RBM19: variants seen among roughly 807,000 people sequenced by gnomAD.
RBM19 encodes probable RNA-binding protein 19.
Under a neutral mutation model 116.8 loss-of-function variants are expected in RBM19, and 94 were observed. That is an observed-to-expected ratio of 0.80 (90% CI 0.68 to 0.95). The LOEUF is 0.95. Ranked by LOEUF, RBM19 falls within the 40% of genes least tolerant of loss-of-function variation. The probability of loss-of-function intolerance (pLI) is 0.00; values close to 1 mark genes in which losing one functional copy is unlikely to be tolerated. For synonymous variants in RBM19, 475 were observed against 494.1 expected (o/e 0.96, Z 0.51); for missense variants, 1,161 against 1,220.7 (o/e 0.95, Z 0.73).
chr12:113,929,931 G>C (rs1199688569), intron 16 of RBM19, among the ~76,000 whole-genome samples: 1 of 152,246 alleles, frequency 6.6e-6, no homozygotes, highest in Admixed American at 6.5e-5. Context: ...GCATAGTGGG[G>C]ATGATGGTGA....
rs905082799 is a variant in RBM19 at position 113,940,919 on chromosome 12, GAA to G, written c.1738-761_1738-760del. ...CATTTATTTCACAGGATCGCTCCAG[GAA>G]AAGTTTTCATTAAATGGGTTAGTAA... is the stretch of plus-strand genomic sequence containing the variant. On this transcript the variant is annotated intron_variant, in intron 14 of 23. Coordinates refer to ENST00000261741, the MANE Select transcript of RBM19 (RefSeq NM_016196.4). Among the ~76,000 whole-genome samples the G allele has an allele frequency of 6.6e-5, 10 of 152,294 alleles. No homozygotes were observed. In the East Asian group the frequency reaches 1.3e-3, roughly 21 times the overall value.
Position 113,962,317 on chromosome 12 carries a change from C to G in RBM19, c.134G>C (p.Gly45Ala), listed in dbSNP as rs199590734. 6.2e-7 allele frequency: 1 copy of G among 1,614,110 alleles called. No homozygotes were observed. Among genetic ancestry groups the G allele is most frequent in the Non-Finnish European group, 8.5e-7 (1 of 1,180,060 alleles). Reference sequence around the variant, plus strand: ...TTCCTCGGACTTGAAGCCAATAAAACCAAACTTGCGGAACTTGCCATCTTT... The same window carrying G: ...TTCCTCGGACTTGAAGCCAATAAAAGCAAACTTGCGGAACTTGCCATCTTT... ...FTKDGKFRKF[G>A]FIGFKSEEEA... The change falls in exon 2 of 24, where the codon GGT becomes GCT. Residue 45 changes from glycine (G) to alanine (A), a missense_variant. Physicochemically the swap from Gly to Ala is moderately conservative, Grantham distance 60. Transcript: ENST00000261741.
chr12:113,867,033 C>T (rs1467288677), intron 21 of RBM19, among the ~76,000 whole-genome samples: 2 of 152,204 alleles, frequency 1.3e-5, no homozygotes, highest in Non-Finnish European at 2.9e-5. Flanking sequence ...AAGGAATCCT[C>T]TTACCTCCTT....
At chr12:113,941,768 T>C (rs1870594835) in intron 14 of RBM19, among the ~76,000 whole-genome samples, 1 of 152,134 alleles carries the variant, frequency 6.6e-6, no homozygotes. Context: ...GAAAGGGCTG[T>C]TTTGGGAGTC....
chr12:113,945,318 C>T (rs1870921288), intron 13 of RBM19, among the ~76,000 whole-genome samples: 1 of 152,308 alleles, frequency 6.6e-6, no homozygotes, highest in Non-Finnish European at 1.5e-5. Context: ...AACCCAGCGA[C>T]CCCCTCCTCT....
intron 21 of RBM19, among the ~76,000 whole-genome samples, chr12:113,882,042 CATGGGCAAGTCACAGAGTCCTG>C (rs1353947226): frequency 6.6e-6 from 1 of 152,244 alleles, no homozygotes; most frequent in East Asian, 1.9e-4. Flanking sequence ...TCCAGGCCCC[CATGGGCAAGTCACAGAGTCCTG>C]GTGGCCCCTG....
In RBM19 at chr12:113,948,687, G is replaced by A. The variant is rs955796154; in HGVS notation, c.1276+146C>T. 1.5e-5 allele frequency: 11 copies of A among 751,338 alleles called. No homozygotes were observed. In the African/African-American group the frequency reaches 1.8e-4, roughly 12 times the overall value. 46.5% of individuals were successfully genotyped at this position (751,338 alleles called of 1,614,324 possible). On this transcript the variant is annotated intron_variant, in intron 10 of 23. Coordinates refer to ENST00000261741, the MANE Select transcript of RBM19 (RefSeq NM_016196.4). ...ACTGAATCCTCACAGCAGCTCAGGGGTACTTGGTCCCATTTTACAGATGAG... is the reference window on the plus strand; with the variant it reads ...ACTGAATCCTCACAGCAGCTCAGGGATACTTGGTCCCATTTTACAGATGAG...
At chr12:113,863,274 C>A (rs376811463) in intron 21 of RBM19, among the ~76,000 whole-genome samples, 1 of 151,706 alleles carries the variant, frequency 6.6e-6, no homozygotes, top group Non-Finnish European at 1.5e-5. Flanking sequence ...TTCCTCTCTC[C>A]GTGCAAATTG....
intron 20 of RBM19, among the ~76,000 whole-genome samples, chr12:113,916,224 T>C (rs1453957464): frequency 1.3e-5 from 2 of 152,016 alleles, no homozygotes; most frequent in Non-Finnish European, 2.9e-5. Context: ...CTGGCCAACA[T>C]AGTGAAACCC....
chr12:113,945,937 G>T lies in RBM19; in HGVS notation c.1530-13C>A. 1 of 1,537,930 alleles carries T rather than the reference G, an allele frequency of 6.5e-7. No individual in the cohort carries two copies. The highest frequency in any genetic ancestry group is 9.0e-7 in the Non-Finnish European group (1 of 1,111,206). ...CCAGTTGTGAGAGCTAAGAGGCAGA[G>T]GCAGAACAGGGAGATCAGACCGCAG... On this transcript the variant is annotated splice_polypyrimidine_tract_variant and intron_variant, in intron 12 of 23. Transcript: ENST00000261741.
At chr12:113,851,262 T>C (rs930247476) in intron 22 of RBM19, among the ~76,000 whole-genome samples, 1 of 152,192 alleles carries the variant, frequency 6.6e-6, no homozygotes, top group African/African-American at 2.4e-5. Context: ...CTGTCTGAAC[T>C]CTTCAGACAA....
In RBM19 at chr12:113,960,195, G is replaced by A. The variant is rs1218615651; in HGVS notation, c.220-17C>T. On this transcript the variant is annotated splice_polypyrimidine_tract_variant and intron_variant, in intron 2 of 23. Coordinates refer to ENST00000261741, the MANE Select transcript of RBM19 (RefSeq NM_016196.4). ...GAACTCCACCTGTGTGGGAAAGAGA[G>A]TGATTTTCACACCTGCCATGGCACC... 1.2e-6 allele frequency: 2 copies of A among 1,612,738 alleles called. No individual in the cohort carries two copies. Among genetic ancestry groups the A allele is most frequent in the Non-Finnish European group, 1.7e-6 (2 of 1,179,896 alleles).
intron 21 of RBM19, among the ~76,000 whole-genome samples, chr12:113,893,308 G>C (rs532781532): frequency 1.5e-4 from 23 of 152,126 alleles, no homozygotes; most frequent in African/African-American, 5.5e-4. Context: ...ACCACACCTG[G>C]CCACCTAATT....
chr12:113,910,386 T>C (rs549763810), intron 21 of RBM19, among the ~76,000 whole-genome samples: 2 of 152,322 alleles, frequency 1.3e-5, no homozygotes, highest in Admixed American at 6.5e-5. Flanking sequence ...ACTGGCTATA[T>C]AGTTGGCAGG....
At chr12:113,961,594 T>C (rs1425460519) in intron 2 of RBM19, among the ~76,000 whole-genome samples, 1 of 152,220 alleles carries the variant, frequency 6.6e-6, no homozygotes, top group African/African-American at 2.4e-5. Flanking sequence ...TATTTATCCA[T>C]CATCTGTTTT....
intron 21 of RBM19, among the ~76,000 whole-genome samples, chr12:113,893,377 G>A (rs938140590): frequency 8.6e-5 from 13 of 152,004 alleles, no homozygotes; most frequent in Admixed American, 6.5e-4. Context: ...CAATCCGCCC[G>A]CCTTGCCCTC....
At chr12:113,872,214 G>C (rs536299844) in intron 21 of RBM19, among the ~76,000 whole-genome samples, 1 of 146,452 alleles carries the variant, frequency 6.8e-6, no homozygotes, top group Non-Finnish European at 1.5e-5. Context: ...CTGCCCGGCC[G>C]AGACCCTGTC....
intron 21 of RBM19, among the ~76,000 whole-genome samples, chr12:113,862,269 G>A (rs1456126824): frequency 6.6e-6 from 1 of 152,156 alleles, no homozygotes; most frequent in Non-Finnish European, 1.5e-5. Context: ...GAAGAAAAGC[G>A]ACTTGCCCAT....
intron 21 of RBM19, among the ~76,000 whole-genome samples, chr12:113,910,964 G>A (rs1882389624): frequency 1.3e-5 from 2 of 152,216 alleles, no homozygotes; most frequent in South Asian, 4.1e-4. Flanking sequence ...GCACTTCCTG[G>A]TGGAGACAGG....
Sources: allele counts gnomAD v4.1 joint callset (sites outside exome capture counted in the v4.1 genomes callset), GRCh38; gene constraint gnomAD v4.1.1; transcripts MANE v1.5; gene names NCBI Gene and HGNC (gene_info 2026-07-23, HGNC 2026-07-21).